Variants in PCGF6 observed in about 807,000 individuals in gnomAD.
PCGF6 encodes polycomb group ring finger 6.
In PCGF6, 24 loss-of-function variants were observed where a neutral mutation model predicts 45.5. That is an observed-to-expected ratio of 0.53 (90% confidence interval 0.38 to 0.74). PCGF6 has a LOEUF of 0.74. Ranked by LOEUF, PCGF6 falls within the 30% of genes least tolerant of loss-of-function variation. PCGF6 has a pLI of 0.00. For missense variants in PCGF6, 356 were observed against 443.2 expected (o/e 0.80, Z 1.77); for synonymous variants, 152 against 162.1 (o/e 0.94, Z 0.47).
chr10:103,328,536 T>A (rs541383773), intron 7 of PCGF6, among the ~76,000 whole-genome samples: 2 of 152,302 alleles, frequency 1.3e-5, no homozygotes, highest in South Asian at 4.1e-4. Flanking sequence ...AGTGAGTCTT[T>A]GGGCAAGTTC....
chr10:103,325,542 C>T (rs1231911050), intron 8 of PCGF6, among the ~76,000 whole-genome samples: 1 of 152,172 alleles, frequency 6.6e-6, no homozygotes, highest in Non-Finnish European at 1.5e-5. Flanking sequence ...GCCACTGCGC[C>T]TGGCCGAGCT....
intron 6 of PCGF6, among the ~76,000 whole-genome samples, chr10:103,339,651 G>T (rs1159464043): frequency 6.6e-6 from 1 of 150,474 alleles, no homozygotes; most frequent in Non-Finnish European, 1.5e-5. Context: ...TTAGCTGGGT[G>T]TGGAGGAGGG....
chr10:103,340,211 A>G (rs1395051595), intron 6 of PCGF6, among the ~76,000 whole-genome samples: 3 of 143,348 alleles, frequency 2.1e-5, no homozygotes, highest in Non-Finnish European at 3.0e-5. Flanking sequence ...ATATATATAT[A>G]TATATATATA....
At chr10:103,304,497 G>T (rs1192612684) in intron 9 of PCGF6, among the ~76,000 whole-genome samples, 1 of 151,754 alleles carries the variant, frequency 6.6e-6, no homozygotes, top group African/African-American at 2.4e-5. Flanking sequence ...CGTGCTACCA[G>T]GCCCAGCTAA....
intron 8 of PCGF6, among the ~76,000 whole-genome samples, chr10:103,319,171 A>G (rs2093187413): frequency 6.6e-6 from 1 of 152,140 alleles, no homozygotes; most frequent in African/African-American, 2.4e-5. Context: ...TCTTTTCGAG[A>G]TGGAGTCTCA....
chr10:103,325,119 A>G (rs1457355255), intron 8 of PCGF6, among the ~76,000 whole-genome samples: 4 of 151,312 alleles, frequency 2.6e-5, no homozygotes, highest in African/African-American at 9.7e-5. Flanking sequence ...TGGGCAACAG[A>G]GTGGGACTCA....
At chr10:103,348,565 T>C in intron 3 of PCGF6, 151 bp downstream of exon 3, 1 of 577,318 alleles carries the variant, frequency 1.7e-6, no homozygotes, top group Non-Finnish European at 3.0e-6. Flanking sequence ...TCTGAAGTGA[T>C]CCACTCACCT....
intron 6 of PCGF6, 48 bp from the exon 7 acceptor site, chr10:103,334,000 AT>A: frequency 8.0e-7 from 1 of 1,247,234 alleles, no homozygotes; most frequent in Non-Finnish European, 1.1e-6. Flanking sequence ...TTTAAGCTAT[AT>A]GTTTAATCAT....
Position 103,345,949 on chromosome 10 carries a change from T to C in PCGF6, c.674-817A>G, listed in dbSNP as rs193101285. The stretch of plus-strand genomic sequence containing the variant: ...GGCTCATGCCAGTAATCCCAGCACT[T>C]TGGGAGGCCGAGGTGGGTGGATCAC... On this transcript the variant is annotated intron_variant, in intron 5 of 9. Transcript: ENST00000369847. 4.5e-3 allele frequency among the ~76,000 whole-genome samples: 685 copies of C among 151,904 alleles called. 8 individuals carry two copies. The highest frequency in any genetic ancestry group is 0.016 in the African/African-American group (650 of 41,426).
intron 9 of PCGF6, among the ~76,000 whole-genome samples, chr10:103,311,184 C>T (rs1026843050): frequency 1.3e-5 from 2 of 152,174 alleles, no homozygotes; most frequent in Non-Finnish European, 2.9e-5. Context: ...CTCTGCCGTC[C>T]AGGCTGATGT....
Position 103,345,008 on chromosome 10 carries a change from T to C in PCGF6, c.782+16A>G. 2.0e-6 allele frequency: 3 copies of C among 1,515,488 alleles called. No individual in the cohort carries two copies. The highest frequency in any genetic ancestry group is 2.7e-6 in the Non-Finnish European group (3 of 1,108,854). 93.9% of individuals were successfully genotyped at this position (1,515,488 alleles called of 1,614,324 possible). On this transcript the variant is annotated intron_variant, in intron 6 of 9. Transcript: ENST00000369847. ...AACATTCTTTAAGTTAAAAGGTAAA[T>C]TTTTAGGGTACTCACCCAATGAACT...
At chr10:103,342,942 T>C (rs2093286275) in intron 6 of PCGF6, among the ~76,000 whole-genome samples, 1 of 152,050 alleles carries the variant, frequency 6.6e-6, no homozygotes, top group Non-Finnish European at 1.5e-5. Context: ...TAGGGGTTCT[T>C]TTCTTTTTGA....
rs1564732456 is a variant in PCGF6, at chr10:103,337,782, C to CTGAGCAT, written c.783-3831_783-3830insATGCTCA. ...GTGTCTACTAAAAATACAAAATTAGCGGCCGGGCGCGGTGGCTCACGCCTG... is the reference window on the plus strand; with the variant it reads ...GTGTCTACTAAAAATACAAAATTAGCTGAGCATGGCCGGGCGCGGTGGCTCACGCCTG... On this transcript the variant is annotated intron_variant, in intron 6 of 9. Transcript: ENST00000369847. Among the ~76,000 whole-genome samples the CTGAGCAT allele has an allele frequency of 1.1e-3, 132 of 114,838 alleles. 2 individuals carry two copies. Among genetic ancestry groups the CTGAGCAT allele is most frequent in the Middle Eastern group, 5.0e-3 (1 of 200 alleles). The allele number at this position is 114,838 out of a possible 152,430, so 75.3% of individuals were successfully genotyped here.
rs772416621 is a variant in PCGF6 at position 103,351,116 on chromosome 10, T to C, written c.-50A>G. The C allele has an allele frequency of 9.8e-6, 13 of 1,333,262 alleles. No homozygotes were observed. Among genetic ancestry groups the C allele is most frequent in the Non-Finnish European group, 1.2e-5 (13 of 1,041,596 alleles). The allele number at this position is 1,333,262 out of a possible 1,614,324, so 82.6% of individuals were successfully genotyped here. A position where few individuals can be genotyped will look rare whatever the true frequency, so the allele number is the denominator to read the frequency against. On this transcript the variant is annotated 5_prime_UTR_variant, in exon 1 of 10. Transcript: ENST00000369847. ...CGAGGCGGCGGGAGAGCGCGGGAGT[T>C]CGGCCGGCCTCGGACGCCACCACTG...
At chr10:103,328,210 G>GT (rs2093226496) in intron 7 of PCGF6, among the ~76,000 whole-genome samples, 1 of 152,054 alleles carries the variant, frequency 6.6e-6, no homozygotes, top group East Asian at 1.9e-4. Context: ...AGCACAAAGT[G>GT]TTTTTTTAGG....
chr10:103,312,391 C>CA lies in PCGF6; in HGVS notation c.996+1794dup, dbSNP rs370391569. 580 of 101,648 alleles carry CA rather than the reference C, an allele frequency of 5.7e-3. 4 individuals carry two copies. Among genetic ancestry groups the CA allele is most frequent in the Middle Eastern group, 0.014 (2 of 144 alleles). The allele number at this position is 101,648 out of a possible 1,614,324, so 6.3% of individuals were successfully genotyped here. A position where few individuals can be genotyped will look rare whatever the true frequency, so the allele number is the denominator to read the frequency against. On this transcript the variant is annotated intron_variant, in intron 9 of 9. Coordinates refer to ENST00000369847, the MANE Select transcript of PCGF6 (RefSeq NM_001011663.2). Reference sequence around the variant, plus strand: ...CTGTTGACAGAGCAAGACTCCGTCTCAAAAAAAAAAAAAAAGTCACAACTG... The same window carrying CA: ...CTGTTGACAGAGCAAGACTCCGTCTCAAAAAAAAAAAAAAAAGTCACAACTG...
At chr10:103,327,834 C>T (rs2133576118) in intron 7 of PCGF6, among the ~76,000 whole-genome samples, 1 of 148,218 alleles carries the variant, frequency 6.7e-6, no homozygotes, top group Admixed American at 6.8e-5. Flanking sequence ...ACCACTACGC[C>T]CAACTAATTT....
intron 8 of PCGF6, among the ~76,000 whole-genome samples, chr10:103,324,224 T>C (rs940288982): frequency 6.6e-6 from 1 of 151,740 alleles, no homozygotes; most frequent in South Asian, 2.1e-4. Flanking sequence ...TATAGGTGAG[T>C]CACTGTGCCC....
intron 8 of PCGF6, among the ~76,000 whole-genome samples, chr10:103,317,946 C>T (rs1356662905): frequency 6.6e-6 from 1 of 150,930 alleles, no homozygotes; most frequent in African/African-American, 2.4e-5. Context: ...TTAGTAGACA[C>T]GGGGTTTCTC....
Sources: gnomAD v4.1 joint callset for allele counts (sites outside exome capture counted in the v4.1 genomes callset) on GRCh38, gnomAD v4.1.1 for gene constraint, MANE v1.5 for transcripts, NCBI Gene and HGNC (gene_info 2026-07-23, HGNC 2026-07-21) for gene names.